The following HEATR5A variants were observed in gnomAD, a reference collection of about 807,000 sequenced individuals.
The protein encoded by HEATR5A is HEAT repeat-containing protein 5A.
Under a neutral mutation model 218.8 loss-of-function variants are expected in HEATR5A, and 178 were observed. That is an observed-to-expected ratio of 0.81 (90% CI 0.72 to 0.92). The LOEUF (loss-of-function observed/expected upper bound fraction) is 0.92, where lower values mean the gene tolerates loss of function less well. Ranked by LOEUF, HEATR5A falls within the 40% of genes least tolerant of loss-of-function variation. The probability of loss-of-function intolerance (pLI) is 0.00; values close to 1 mark genes in which losing one functional copy is unlikely to be tolerated. For synonymous variants in HEATR5A, 864 were observed against 871.6 expected (o/e 0.99, Z 0.15); for missense variants, 2,420 against 2,418.9 (o/e 1.00, Z -0.01).
chr14:31,333,748 T>A (rs1259392772), intron 22 of HEATR5A, among the ~76,000 whole-genome samples: 1 of 151,900 alleles, frequency 6.6e-6, no homozygotes, highest in Non-Finnish European at 1.5e-5. Context: ...TTATGCTTAA[T>A]TGGCCAGGCA....
At chr14:31,342,202 C>T (rs1900862426) in intron 21 of HEATR5A, among the ~76,000 whole-genome samples, 1 of 151,992 alleles carries the variant, frequency 6.6e-6, no homozygotes, top group Non-Finnish European at 1.5e-5. Context: ...GCCTGGGTAA[C>T]ATAGCAAGAC....
chr14:31,372,826 T>G (rs1902085785), intron 12 of HEATR5A, among the ~76,000 whole-genome samples: 1 of 151,960 alleles, frequency 6.6e-6, no homozygotes, highest in South Asian at 2.1e-4. Context: ...AAACTCCGTC[T>G]CAAAAACAAA....
At chr14:31,331,712 G>T in intron 22 of HEATR5A, among the ~76,000 whole-genome samples, 1 of 152,172 alleles carries the variant, frequency 6.6e-6, no homozygotes, top group East Asian at 1.9e-4. Flanking sequence ...ATTCTGCATT[G>T]TTAGGGAGGC....
intron 22 of HEATR5A, among the ~76,000 whole-genome samples, chr14:31,331,752 G>A (rs1900480345): frequency 6.6e-6 from 1 of 152,178 alleles, no homozygotes; most frequent in South Asian, 2.1e-4. Context: ...TGGTGGAAGG[G>A]GAAGAGGCAC....
At chr14:31,398,818 G>T in intron 3 of HEATR5A, 37 bp from the exon 4 acceptor site, 1 of 1,112,290 alleles carries the variant, frequency 9.0e-7, no homozygotes, top group Non-Finnish European at 1.3e-6. Flanking sequence ...AGTCACAGCT[G>T]AAAAAATAGG....
chr14:31,402,767 T>C, intron 2 of HEATR5A, 83 bp downstream of exon 2: 1 of 1,309,432 alleles, frequency 7.6e-7, no homozygotes, highest in Non-Finnish European at 1.0e-6. Context: ...AATTAGGTTA[T>C]TCTGGAAAAA....
intron 7 of HEATR5A, among the ~76,000 whole-genome samples, chr14:31,387,849 C>T (rs1002175647): frequency 2.0e-5 from 3 of 152,124 alleles, no homozygotes; most frequent in Non-Finnish European, 4.4e-5. Context: ...CGTGAGCCAC[C>T]GCACCCGGCC....
At chr14:31,325,458 G>A (rs576266079) in intron 23 of HEATR5A, among the ~76,000 whole-genome samples, 40 of 151,880 alleles carry the variant, frequency 2.6e-4, no homozygotes, top group Middle Eastern at 3.2e-3. Context: ...CATACGGTGC[G>A]AGGGGTGGGG....
chr14:31,334,668 C>T (rs190281195), intron 22 of HEATR5A, among the ~76,000 whole-genome samples: 10 of 152,008 alleles, frequency 6.6e-5, no homozygotes, highest in Admixed American at 3.9e-4. Context: ...AATGGCCAGC[C>T]GGGTGTGGTG....
intron 1 of HEATR5A, among the ~76,000 whole-genome samples, chr14:31,406,669 G>A (rs2031072839): frequency 6.6e-6 from 1 of 152,098 alleles, no homozygotes; most frequent in Admixed American, 6.6e-5. Flanking sequence ...AAAAATGTGA[G>A]AAGTTAGGCC....
chr14:31,295,718 C>T (rs1486197161), intron 34 of HEATR5A, among the ~76,000 whole-genome samples, 191 bp downstream of exon 34: 2 of 152,076 alleles, frequency 1.3e-5, no homozygotes, highest in East Asian at 3.9e-4. Context: ...TATGCTCTAC[C>T]CTTAGGGCTG....
At chr14:31,376,429 T>C (rs1305761001) in intron 11 of HEATR5A, among the ~76,000 whole-genome samples, 2 of 152,182 alleles carry the variant, frequency 1.3e-5, no homozygotes, top group African/African-American at 2.4e-5. Context: ...AGGAGGATCA[T>C]TTGAGCCCAA....
chr14:31,387,433 C>T (rs1359889958), intron 7 of HEATR5A, 58 bp from the exon 8 acceptor site: 3 of 1,223,332 alleles, frequency 2.5e-6, no homozygotes, highest in African/African-American at 3.1e-5. Flanking sequence ...TGTATTCTCC[C>T]CCACAAAACA....
intron 12 of HEATR5A, among the ~76,000 whole-genome samples, chr14:31,372,586 T>C (rs528501625): frequency 1.3e-5 from 2 of 152,156 alleles, no homozygotes; most frequent in Non-Finnish European, 2.9e-5. Context: ...CCCAGCACTT[T>C]GGGAGGCTGA....
At chr14:31,362,918 C>T (rs11627106) in intron 14 of HEATR5A, among the ~76,000 whole-genome samples, 51,765 of 151,880 alleles carry the variant, frequency 0.34, 10,136 homozygotes, top group Non-Finnish European at 0.43. Flanking sequence ...CTTATGCCTG[C>T]AATCCTAGAA....
rs1337162717 is a variant in HEATR5A, at chr14:31,304,979, A to T, written c.5165T>A (p.Leu1722Ter). The change falls in exon 32 of 36, where the codon TTA becomes TAA. Residue 1722 changes from leucine (L) to a stop codon, truncating the protein, a stop_gained. Transcript: ENST00000543095. LOFTEE classifies it high-confidence loss of function. ...TGAAACCAATCTACTTCCATCTTCT[A>T]ATAGTATCTGTGGCTTCGTAGCTTT... ...GVKATKPQIL[L>*]EDGSRLVSAA... The T allele has an allele frequency of 1.2e-6, 2 of 1,614,004 alleles. No homozygotes were observed. Among genetic ancestry groups the T allele is most frequent in the Non-Finnish European group, 1.7e-6 (2 of 1,179,890 alleles).
intron 25 of HEATR5A, among the ~76,000 whole-genome samples, chr14:31,318,544 G>A (rs554131240): frequency 7.2e-5 from 11 of 152,248 alleles, no homozygotes; most frequent in African/African-American, 2.4e-4. Context: ...AGGCTGGAGT[G>A]CAGTGGCGCA....
At chr14:31,294,134 T>TTTTTAAATTTTTA in intron 34 of HEATR5A, 30 bp from the exon 35 acceptor site, 1 of 1,380,446 alleles carries the variant, frequency 7.2e-7, no homozygotes, top group Non-Finnish European at 9.9e-7. Context: ...GAATAGCAAA[T>TTTTTAAATTTTTA]ACTATAAATA....
rs1278230358 is a variant in HEATR5A, at chr14:31,321,698, A to C, written c.3788-18T>G. On this transcript the variant is annotated intron_variant, in intron 24 of 35. Coordinates refer to ENST00000543095, the MANE Select transcript of HEATR5A (RefSeq NM_015473.4). ...AAAGTCATCTATAAGATTAAAAAACATATTGGGAGAAAAAAAGATTAGAAA... is the reference window on the plus strand; with the variant it reads ...AAAGTCATCTATAAGATTAAAAAACCTATTGGGAGAAAAAAAGATTAGAAA... 1.3e-6 allele frequency: 2 copies of C among 1,515,526 alleles called. No homozygotes were observed. Among genetic ancestry groups the C allele is most frequent in the Non-Finnish European group, 8.9e-7 (1 of 1,124,220 alleles). The allele number at this position is 1,515,526 out of a possible 1,614,324, so 93.9% of individuals were successfully genotyped here. A position where few individuals can be genotyped will look rare whatever the true frequency, so the allele number is the denominator to read the frequency against.
Sources: allele counts gnomAD v4.1 joint callset (sites outside exome capture counted in the v4.1 genomes callset), GRCh38; gene constraint gnomAD v4.1.1; transcripts MANE v1.5; gene names NCBI Gene and HGNC (gene_info 2026-07-23, HGNC 2026-07-21).